Variants in TMBIM6 observed in about 807,000 individuals in gnomAD.
TMBIM6 encodes bax inhibitor 1.
Under a neutral mutation model 31.4 loss-of-function variants are expected in TMBIM6, and 13 were observed. The observed-to-expected ratio is 0.41, with a 90% confidence interval of 0.27 to 0.66. The LOEUF is 0.66. TMBIM6 is among the 30% of genes least tolerant of loss of function. The probability of loss-of-function intolerance (pLI) is 0.28; values close to 1 mark genes in which losing one functional copy is unlikely to be tolerated. For missense variants in TMBIM6, 275 were observed against 289.5 expected (o/e 0.95, Z 0.36); for synonymous variants, 85 against 101.7 (o/e 0.84, Z 0.99).
At chr12:49,761,890 C>A in intron 9 of TMBIM6, 111 bp downstream of exon 9, 1 of 1,032,174 alleles carries the variant, frequency 9.7e-7, no homozygotes, top group Non-Finnish European at 1.4e-6. Context: ...TCCAGGGTAA[C>A]TGTAAGGCAG....
rs773354341 is a variant in TMBIM6, at chr12:49,763,079, GT to G, written c.*186del. 4 of 613,652 alleles carry G rather than the reference GT, an allele frequency of 6.5e-6. No homozygotes were observed. The highest frequency in any genetic ancestry group is 1.8e-5 in the African/African-American group (1 of 54,266). 38.0% of individuals were successfully genotyped at this position (613,652 alleles called of 1,614,324 possible). A position where few individuals can be genotyped will look rare whatever the true frequency, so the allele number is the denominator to read the frequency against. ...ACTGATTAGCAGAATATAGTTTGGA[GT>G]TTGGCTTCATCTTCCTGGGGTTCCC... On this transcript the variant is annotated 3_prime_UTR_variant, in exon 10 of 10. Coordinates refer to ENST00000267115, the MANE Select transcript of TMBIM6 (RefSeq NM_003217.3).
chr12:49,758,544 C>A (rs1945651198), intron 6 of TMBIM6, 64 bp downstream of exon 6: 1 of 1,562,648 alleles, frequency 6.4e-7, no homozygotes, highest in Non-Finnish European at 8.8e-7. Context: ...CACTAGTACT[C>A]CTTCCTTACC....
chr12:49,746,157 A>G (rs28654319), intron 1 of TMBIM6, among the ~76,000 whole-genome samples: 1 of 149,844 alleles, frequency 6.7e-6, no homozygotes, highest in Non-Finnish European at 1.5e-5. Context: ...ATCTCGGCTC[A>G]CTGCAACCTC....
intron 3 of TMBIM6, among the ~76,000 whole-genome samples, chr12:49,754,730 T>A (rs1234074967): frequency 6.6e-6 from 1 of 152,228 alleles, no homozygotes; most frequent in Non-Finnish European, 1.5e-5. Context: ...ATGCCTATAG[T>A]TTTTCCCACT....
chr12:49,759,406 A>T (rs977165193), intron 8 of TMBIM6, 85 bp downstream of exon 8: 13 of 1,155,542 alleles, frequency 1.1e-5, no homozygotes, highest in Non-Finnish European at 1.7e-5. Context: ...TTGGCTGAAC[A>T]TAGGTGGCCA....
chr12:49,747,997 T>C (rs9805090), intron 1 of TMBIM6, among the ~76,000 whole-genome samples: 3,398 of 152,158 alleles, frequency 0.022, 133 homozygotes, highest in African/African-American at 0.078. Flanking sequence ...TCCGCTTCCC[T>C]GGCTCAAGCG....
At chr12:49,752,675 T>A in intron 2 of TMBIM6, 126 bp downstream of exon 2, 1 of 822,640 alleles carries the variant, frequency 1.2e-6, no homozygotes, top group Non-Finnish European at 1.9e-6. Flanking sequence ...CCAGAGGACC[T>A]GATGAAAATG....
At chr12:49,762,707 A>G (rs1945742667) in intron 9 of TMBIM6, among the ~76,000 whole-genome samples, 166 bp from the exon 10 acceptor site, 2 of 152,188 alleles carry the variant, frequency 1.3e-5, no homozygotes, top group African/African-American at 2.4e-5. Context: ...GGGAACCACC[A>G]GTAGGATGTG....
At chr12:49,747,247 A>G (rs1945411859) in intron 1 of TMBIM6, among the ~76,000 whole-genome samples, 1 of 152,198 alleles carries the variant, frequency 6.6e-6, no homozygotes. Flanking sequence ...AACAGGAAGA[A>G]AGAACCATGT....
chr12:49,742,087 G>A lies in TMBIM6; in HGVS notation c.-31+476G>A, dbSNP rs772752622. The A allele has an allele frequency of 1.9e-6, 3 of 1,588,310 alleles. No homozygotes were observed. The Admixed American group carries it at 5.4e-5, about 29-fold the overall frequency. On this transcript the variant is annotated intron_variant, in intron 1 of 9. Coordinates refer to ENST00000267115, the MANE Select transcript of TMBIM6 (RefSeq NM_003217.3). ...CGGGTCCTTTGGTCGGGCTGACCCT[G>A]GGTGAGCGGCCCGGAGCCAAGACTC... is the stretch of plus-strand genomic sequence containing the variant.
In TMBIM6 at chr12:49,758,501, A is replaced by G. The variant is rs773493667; in HGVS notation, c.433+21A>G. On this transcript the variant is annotated intron_variant, in intron 6 of 9. Coordinates refer to ENST00000267115, the MANE Select transcript of TMBIM6 (RefSeq NM_003217.3). ...GGGAGGTAAGTGTGAACTGGGAAAC[A>G]GGGAATGGGGGCTCCTTTTTAGCCA... 69 of 1,611,904 alleles carry G rather than the reference A, an allele frequency of 4.3e-5. No individual in the cohort carries two copies. The Admixed American group carries it at 8.3e-4, about 19-fold the overall frequency.
chr12:49,750,802 C>G (rs531634154), intron 1 of TMBIM6: 1 of 152,334 alleles, frequency 6.6e-6, no homozygotes, highest in East Asian at 1.9e-4. Context: ...CCTCAGGAAG[C>G]AGATGATGTT....
intron 8 of TMBIM6, 83 bp from the exon 9 acceptor site, chr12:49,761,621 G>A: frequency 7.7e-7 from 1 of 1,293,340 alleles, no homozygotes; most frequent in Middle Eastern, 2.0e-4. Flanking sequence ...GGGGGTAGGG[G>A]TGGGGTTTAT....
chr12:49,755,208 C>T (rs948931028), intron 3 of TMBIM6, among the ~76,000 whole-genome samples: 5 of 152,090 alleles, frequency 3.3e-5, no homozygotes, highest in South Asian at 2.1e-4. Context: ...TTGCCCACCT[C>T]GGCCTCCCAA....
At chr12:49,749,880 AC>A (rs1945464157) in intron 1 of TMBIM6, 1 of 152,156 alleles carries the variant, frequency 6.6e-6, no homozygotes, top group Admixed American at 6.5e-5. Context: ...CATCTGCTTT[AC>A]CAGGTTTCTT....
chr12:49,742,564 A>G, intron 1 of TMBIM6: 1 of 295,542 alleles, frequency 3.4e-6, no homozygotes, highest in East Asian at 6.2e-5. Flanking sequence ...ACCCAGTAGA[A>G]GGGCTGACTG....
chr12:49,744,193 A>G (rs1264876451), intron 1 of TMBIM6, among the ~76,000 whole-genome samples: 1 of 152,200 alleles, frequency 6.6e-6, no homozygotes, highest in Admixed American at 6.5e-5. Flanking sequence ...AAAGTTATAA[A>G]TTTTATATAA....
In TMBIM6 at chr12:49,752,822, T is replaced by G. The variant is rs190821356; in HGVS notation, c.57-151T>G. The G allele has an allele frequency of 8.7e-6, 7 of 801,698 alleles. No homozygotes were observed. The Admixed American group carries it at 9.6e-5, about 11-fold the overall frequency. 49.7% of individuals were successfully genotyped at this position (801,698 alleles called of 1,614,324 possible). On this transcript the variant is annotated intron_variant, in intron 2 of 9. Coordinates refer to ENST00000267115, the MANE Select transcript of TMBIM6 (RefSeq NM_003217.3). Reference sequence around the variant, plus strand: ...TAACCTATTTTCAAAATATTATTTTTTATTGTAATATGCTTTCCTAAAAGT... The same window carrying G: ...TAACCTATTTTCAAAATATTATTTTGTATTGTAATATGCTTTCCTAAAAGT...
intron 1 of TMBIM6, among the ~76,000 whole-genome samples, chr12:49,751,646 A>G (rs1945496092): frequency 6.6e-6 from 1 of 152,018 alleles, no homozygotes; most frequent in South Asian, 2.1e-4. Context: ...TTTGATACGC[A>G]TATATTTAAA....
Sources: gnomAD v4.1 joint callset for allele counts (sites outside exome capture counted in the v4.1 genomes callset) on GRCh38, gnomAD v4.1.1 for gene constraint, MANE v1.5 for transcripts, NCBI Gene and HGNC (gene_info 2026-07-23, HGNC 2026-07-21) for gene names.